CEMIP: variants seen among roughly 807,000 people sequenced by gnomAD.
The protein encoded by CEMIP is cell migration inducing hyaluronidase 1.
In CEMIP, 105 loss-of-function variants were observed where a neutral mutation model predicts 156.9. That is an observed-to-expected ratio of 0.67 (90% CI 0.57 to 0.79). CEMIP has a LOEUF of 0.79. Ranked by LOEUF, CEMIP falls within the 30% of genes least tolerant of loss-of-function variation. CEMIP has a pLI of 0.00. For missense variants in CEMIP, 1,457 were observed against 1,769.4 expected (o/e 0.82, Z 3.17); for synonymous variants, 676 against 668.4 (o/e 1.01, Z -0.17).
At chr15:80,896,243 T>C in intron 12 of CEMIP, 183 bp downstream of exon 12, 1 of 730,716 alleles carries the variant, frequency 1.4e-6, no homozygotes, top group Non-Finnish European at 2.4e-6. Context: ...GCAGGTTGTC[T>C]AGGGATCAGC....
At position 80,928,027 on chromosome 15, in the gene CEMIP, C is replaced by T. The variant is rs111419228; in HGVS notation, c.2421-875C>T. ...GCAGCTGATGTGGATTCACCAGGCC[C>T]TTGAGCTTGGATCTATGAAGGATAT... On this transcript the variant is annotated intron_variant, in intron 19 of 29. Transcript: ENST00000394685. 1.6e-3 allele frequency among the ~76,000 whole-genome samples: 239 copies of T among 152,250 alleles called. 1 individual carries two copies. Among genetic ancestry groups the T allele is most frequent in the Middle Eastern group, 0.01 (3 of 294 alleles).
At chr15:80,901,273 C>T (rs1899526218) in intron 12 of CEMIP, among the ~76,000 whole-genome samples, 1 of 152,174 alleles carries the variant, frequency 6.6e-6, no homozygotes, top group Non-Finnish European at 1.5e-5. Context: ...ACAGTAGGGG[C>T]TACTGTTTTC....
intron 14 of CEMIP, among the ~76,000 whole-genome samples, chr15:80,916,714 GA>G (rs1900285863): frequency 6.6e-6 from 1 of 152,172 alleles, no homozygotes; most frequent in African/African-American, 2.4e-5. Context: ...AGAGCTGGAA[GA>G]AAATTTAGAC....
At chr15:80,883,968 C>G (rs1388556991) in intron 6 of CEMIP, among the ~76,000 whole-genome samples, 1 of 152,210 alleles carries the variant, frequency 6.6e-6, no homozygotes, top group African/African-American at 2.4e-5. Flanking sequence ...ATGGTCAAGT[C>G]AAAACCCTTC....
chr15:80,862,612 T>C (rs1427926549), intron 1 of CEMIP, among the ~76,000 whole-genome samples: 1 of 152,228 alleles, frequency 6.6e-6, no homozygotes, highest in East Asian at 1.9e-4. Context: ...TGGGCCACTT[T>C]CACTGTGAGG....
intron 14 of CEMIP, among the ~76,000 whole-genome samples, chr15:80,913,201 C>T (rs776365629): frequency 6.6e-6 from 1 of 152,202 alleles, no homozygotes; most frequent in Non-Finnish European, 1.5e-5. Flanking sequence ...CCCCCGTGGG[C>T]AGCCACCTTT....
intron 14 of CEMIP, among the ~76,000 whole-genome samples, chr15:80,916,327 C>T (rs1242961774): frequency 1.3e-5 from 2 of 152,222 alleles, no homozygotes; most frequent in African/African-American, 4.8e-5. Context: ...GAGTTTTCTC[C>T]TACACAATCT....
chr15:80,869,991 G>A (rs115213868), intron 1 of CEMIP, among the ~76,000 whole-genome samples: 2,465 of 152,238 alleles, frequency 0.016, 74 homozygotes, highest in African/African-American at 0.057. Context: ...CTCATGGCTT[G>A]AGCACTGACC....
At chr15:80,894,145 C>T (rs1031940406) in intron 10 of CEMIP, among the ~76,000 whole-genome samples, 12 of 152,172 alleles carry the variant, frequency 7.9e-5, no homozygotes, top group African/African-American at 2.9e-4. Context: ...GACAAGGGGG[C>T]AAAAACCAGC....
chr15:80,909,841 C>T (rs1899976426), intron 14 of CEMIP: 3 of 350,678 alleles, frequency 8.6e-6, no homozygotes, highest in Admixed American at 7.5e-5. Flanking sequence ...ACTAAATTGA[C>T]CTTTCTCGAA....
intron 7 of CEMIP, 110 bp from the exon 8 acceptor site, chr15:80,887,584 G>GTT: frequency 3.8e-6 from 3 of 785,704 alleles, no homozygotes; most frequent in Non-Finnish European, 6.5e-6. Context: ...CAGCAGGGAG[G>GTT]GACCCTCCTT....
intron 1 of CEMIP, among the ~76,000 whole-genome samples, chr15:80,795,782 T>C (rs1896208458): frequency 1.3e-5 from 2 of 151,640 alleles, no homozygotes; most frequent in Non-Finnish European, 2.9e-5. Flanking sequence ...GAAAAAGGAA[T>C]TGCCAGGTGC....
intron 1 of CEMIP, among the ~76,000 whole-genome samples, chr15:80,838,466 G>T (rs1897314610): frequency 6.6e-6 from 1 of 152,066 alleles, no homozygotes; most frequent in Non-Finnish European, 1.5e-5. Flanking sequence ...AGCAGGCCTG[G>T]GTCCTGCATC....
At chr15:80,846,251 C>T (rs556609621) in intron 1 of CEMIP, among the ~76,000 whole-genome samples, 13 of 152,258 alleles carry the variant, frequency 8.5e-5, no homozygotes, top group Middle Eastern at 3.4e-3. Context: ...CACATAGGCC[C>T]GTGTGGGACA....
rs113409419 is a variant in CEMIP at position 80,939,169 on chromosome 15, C to T, written c.3407+1190C>T. 8.5e-5 allele frequency among the ~76,000 whole-genome samples: 13 copies of T among 152,254 alleles called. No individual in the cohort carries two copies. The Middle Eastern group carries it at 0.01, about 120-fold the overall frequency. On this transcript the variant is annotated intron_variant, in intron 25 of 29. Transcript: ENST00000394685. The stretch of plus-strand genomic sequence containing the variant: ...AGAATAGAGCTTTCCAATATCATCC[C>T]CAATTTTACCTCCTCCGCCCCAGGG...
chr15:80,873,452 G>C, intron 1 of CEMIP, 86 bp from the exon 2 acceptor site: 1 of 279,526 alleles, frequency 3.6e-6, no homozygotes. Context: ...CAGATCATCT[G>C]AGATCACACA....
intron 12 of CEMIP, among the ~76,000 whole-genome samples, chr15:80,900,083 T>C (rs1167070232): frequency 6.6e-6 from 1 of 152,162 alleles, no homozygotes; most frequent in African/African-American, 2.4e-5. Context: ...CCAGTCCCCA[T>C]CTGCACCCCA....
intron 12 of CEMIP, among the ~76,000 whole-genome samples, chr15:80,901,615 T>C (rs1033975908): frequency 4.0e-5 from 6 of 151,220 alleles, no homozygotes; most frequent in African/African-American, 1.5e-4. Context: ...AGCAGGAGAA[T>C]CGCTTGAACC....
intron 10 of CEMIP, among the ~76,000 whole-genome samples, chr15:80,890,519 G>A (rs1899001266): frequency 6.6e-6 from 1 of 151,636 alleles, no homozygotes; most frequent in Admixed American, 6.6e-5. Flanking sequence ...AACAGGAGGT[G>A]GAGGTTGTGG....
Sources: allele counts gnomAD v4.1 joint callset (sites outside exome capture counted in the v4.1 genomes callset), GRCh38; gene constraint gnomAD v4.1.1; transcripts MANE v1.5; gene names NCBI Gene and HGNC (gene_info 2026-07-23, HGNC 2026-07-21).